Variants in MVP observed in about 807,000 individuals in gnomAD.
MVP encodes lung resistance-related protein.
In MVP, 62 loss-of-function variants were observed where a neutral mutation model predicts 83.5. The ratio of observed to expected loss-of-function variants is 0.74; its 90% confidence interval spans 0.61 to 0.92. The LOEUF (loss-of-function observed/expected upper bound fraction) is 0.92. Ranked by LOEUF, MVP falls within the 40% of genes least tolerant of loss-of-function variation. The pLI is 0.00. For missense variants in MVP, 1,000 were observed against 1,203.4 expected (o/e 0.83, Z 2.50); for synonymous variants, 505 against 504.1 (o/e 1.00, Z -0.02).
At chr16:29,821,007 T>G (rs533620068) in intron 1 of MVP, 1 of 152,438 alleles carries the variant, frequency 6.6e-6, no homozygotes, top group South Asian at 2.1e-4. Context: ...CTGGGCCAGC[T>G]GTTGGTCTCA....
intron 1 of MVP, among the ~76,000 whole-genome samples, chr16:29,821,615 CTT>C (rs1349378984): frequency 6.6e-6 from 1 of 152,200 alleles, no homozygotes; most frequent in Non-Finnish European, 1.5e-5. Flanking sequence ...GGCTTAGAAT[CTT>C]TGTGTTTCTG....
chr16:29,844,933 G>T, intron 11 of MVP, 54 bp downstream of exon 11: 1 of 1,549,130 alleles, frequency 6.5e-7, no homozygotes, highest in South Asian at 1.2e-5. Context: ...GGCCACTGCT[G>T]GGAACTGGAT....
At position 29,836,777 on chromosome 16, in the gene MVP, G is replaced by A. The variant is rs200161527; in HGVS notation, c.728G>A (p.Arg243His). Reference sequence around the variant, plus strand: ...TTCCGGGACTTCAGGGGAGTGTCCCGCCGCACTGGGGAGGAGTGGCTGGTA... The same window carrying A: ...TTCCGGGACTTCAGGGGAGTGTCCCACCGCACTGGGGAGGAGTGGCTGGTA... ...RNFRDFRGVSRRTGEEWLVTV... is the reference protein window; with the variant it reads ...RNFRDFRGVSHRTGEEWLVTV... The change falls in exon 7 of 15, where the codon CGC becomes CAC. Residue 243 changes from arginine to histidine, a missense_variant. Arg to His is a conservative substitution (Grantham distance 29). Transcript: ENST00000357402. The A allele has an allele frequency of 3.1e-6, 5 of 1,612,306 alleles. No individual in the cohort carries two copies. The highest frequency in any genetic ancestry group is 2.7e-5 in the African/African-American group (2 of 74,880).
intron 1 of MVP, among the ~76,000 whole-genome samples, chr16:29,829,370 T>G (rs2067425327): frequency 7.0e-6 from 1 of 143,868 alleles, no homozygotes; most frequent in Non-Finnish European, 1.5e-5. Context: ...TAGTCTCAGC[T>G]ACCCAGGAGG....
chr16:29,824,896 CCCTCT>C (rs764286755), intron 1 of MVP, among the ~76,000 whole-genome samples: 1 of 151,186 alleles, frequency 6.6e-6, no homozygotes, highest in Admixed American at 6.6e-5. Flanking sequence ...GATCCGGTCT[CCCTCT>C]TTTTTTTTTT....
intron 7 of MVP, among the ~76,000 whole-genome samples, chr16:29,838,542 GGCAGGCCAGGC>G (rs1322199930): frequency 6.6e-6 from 1 of 151,992 alleles, no homozygotes; most frequent in Non-Finnish European, 1.5e-5. Context: ...AGAAAGAAAT[GGCAGGCCAGGC>G]GCAACAGCTC....
intron 3 of MVP, chr16:29,831,690 C>T (rs182485657): frequency 1.3e-4 from 61 of 456,172 alleles, no homozygotes; most frequent in Middle Eastern, 3.3e-4. Context: ...CATTAAATGA[C>T]ATGTGCCAAG....
chr16:29,836,590 A>C (rs2067488989), intron 6 of MVP, 132 bp from the exon 7 acceptor site: 4 of 784,236 alleles, frequency 5.1e-6, no homozygotes, highest in Admixed American at 2.7e-5. Flanking sequence ...AAAAAAAAAA[A>C]AACAATCCCT....
intron 3 of MVP, 69 bp from the exon 4 acceptor site, chr16:29,833,664 C>T (rs1437874896): frequency 1.2e-6 from 2 of 1,600,028 alleles, no homozygotes; most frequent in African/African-American, 1.3e-5. Flanking sequence ...GACCCGCCTC[C>T]AGAGCATCAG....
At position 29,844,785 on chromosome 16, in the gene MVP, G is replaced by A. The variant is rs143138964; in HGVS notation, c.1927G>A (p.Val643Met). The A allele has an allele frequency of 3.7e-6, 6 of 1,610,380 alleles. No homozygotes were observed. The highest frequency in any genetic ancestry group is 4.2e-6 in the Non-Finnish European group (5 of 1,180,018). Reference sequence around the variant, plus strand: ...GGTCAGCAGTGTGGACGTGCAGTCAGTGGAGCCTGTGGATCAGAGGACCCG... The same window carrying A: ...GGTCAGCAGTGTGGACGTGCAGTCAATGGAGCCTGTGGATCAGAGGACCCG... The part of the protein sequence containing the change: ...LVVSSVDVQS[V>M]EPVDQRTRDA... The change falls in exon 11 of 15, where the codon GTG becomes ATG. Residue 643 changes from valine to methionine, a missense_variant. Val to Met is a conservative substitution (Grantham distance 21). Transcript: ENST00000357402.
chr16:29,835,422 A>C (rs1304604367), intron 5 of MVP: 1 of 209,104 alleles, frequency 4.8e-6, no homozygotes, highest in Non-Finnish European at 8.7e-6. Flanking sequence ...TGAATCCAGG[A>C]GGCTGAGGTT....
At chr16:29,835,845 C>T in intron 6 of MVP, 47 bp downstream of exon 6, 7 of 1,506,332 alleles carry the variant, frequency 4.6e-6, no homozygotes, top group Non-Finnish European at 6.4e-6. Context: ...GGCTAGGGAA[C>T]CCTCCGAGTG....
chr16:29,845,645 G>A (rs532130554), intron 11 of MVP, among the ~76,000 whole-genome samples: 2 of 152,318 alleles, frequency 1.3e-5, no homozygotes, highest in East Asian at 1.9e-4. Context: ...CTCAAGTGGC[G>A]TGAAAGTAGG....
chr16:29,836,600 T>G, intron 6 of MVP, 122 bp from the exon 7 acceptor site: 21 of 738,562 alleles, frequency 2.8e-5, no homozygotes, highest in Non-Finnish European at 3.5e-5. Context: ...AAACAATCCC[T>G]GGATTGGTAG....
At chr16:29,840,048 G>A in intron 7 of MVP, 130 bp from the exon 8 acceptor site, 1 of 878,830 alleles carries the variant, frequency 1.1e-6, no homozygotes, top group Non-Finnish European at 1.7e-6. Flanking sequence ...ATTATGATGT[G>A]GGGGTGGGGG....
At chr16:29,836,068 C>A (rs1186903780) in intron 6 of MVP, among the ~76,000 whole-genome samples, 4 of 151,316 alleles carry the variant, frequency 2.6e-5, no homozygotes, top group African/African-American at 9.7e-5. Context: ...GAGTCTGAGA[C>A]CAGCCTGGGC....
intron 3 of MVP, among the ~76,000 whole-genome samples, chr16:29,832,004 TCTC>T (rs2067447176): frequency 6.6e-6 from 1 of 152,094 alleles, no homozygotes; most frequent in Non-Finnish European, 1.5e-5. Flanking sequence ...ATGGTCTTGA[TCTC>T]CTGACCTCAT....
chr16:29,833,938 C>G lies in MVP; in HGVS notation c.449C>G (p.Thr150Arg), dbSNP rs771974873. The change falls in exon 5 of 15, where the codon ACG becomes AGG. Residue 150 changes from threonine (T) to arginine (R), a missense_variant. Thr to Arg is a moderately conservative substitution (Grantham distance 71, BLOSUM62 -1). Transcript: ENST00000357402. Reference sequence around the variant, plus strand: ...GACCATCACCTTCCCTCCCCAGGCACGTACATCCCCCGGAAGGAAGTGGAG... The same window carrying G: ...GACCATCACCTTCCCTCCCCAGGCAGGTACATCCCCCGGAAGGAAGTGGAG... ...GDEWLFEGPG[T>R]YIPRKEVEVV... 6.2e-7 allele frequency: 1 copy of G among 1,614,092 alleles called. No individual in the cohort carries two copies. Among genetic ancestry groups the G allele is most frequent in the Non-Finnish European group, 8.5e-7 (1 of 1,180,004 alleles).
rs951409604 is a variant in MVP at position 29,847,537 on chromosome 16, G to A, written c.2454+152G>A. ...TGCAGGGACATTCACACAGTGTCACGCTGCATCAACGTCAGGCACTGTACT... is the reference window on the plus strand; with the variant it reads ...TGCAGGGACATTCACACAGTGTCACACTGCATCAACGTCAGGCACTGTACT... On this transcript the variant is annotated intron_variant, in intron 14 of 14. Transcript: ENST00000357402. The A allele has an allele frequency of 1.2e-5, 11 of 905,932 alleles. No individual in the cohort carries two copies. The Admixed American group carries it at 1.4e-4, about 11-fold the overall frequency. 56.1% of individuals were successfully genotyped at this position (905,932 alleles called of 1,614,324 possible).
Sources: allele counts gnomAD v4.1 joint callset (sites outside exome capture counted in the v4.1 genomes callset), GRCh38; gene constraint gnomAD v4.1.1; transcripts MANE v1.5; gene names NCBI Gene and HGNC (gene_info 2026-07-23, HGNC 2026-07-21).